KLHL1: variants seen among roughly 807,000 people sequenced by gnomAD.
KLHL1 encodes kelch like family member 1, also known as kelch-like protein 1.
Under a neutral mutation model 77.7 loss-of-function variants are expected in KLHL1, and 47 were observed. The ratio of observed to expected loss-of-function variants is 0.60; its 90% CI spans 0.48 to 0.77. KLHL1 has a LOEUF of 0.77. Ranked by LOEUF, KLHL1 falls within the 30% of genes least tolerant of loss-of-function variation. The probability of loss-of-function intolerance (pLI) is 0.00; values close to 1 mark genes in which losing one functional copy is unlikely to be tolerated. For missense variants in KLHL1, 925 were observed against 910.8 expected (o/e 1.02, Z -0.20); for synonymous variants, 360 against 325.2 (o/e 1.11, Z -1.15).
At chr13:69,972,182 A>G (rs1031851314) in intron 2 of KLHL1, among the ~76,000 whole-genome samples, 2 of 151,976 alleles carry the variant, frequency 1.3e-5, no homozygotes, top group East Asian at 3.9e-4. Context: ...GTATTTATAT[A>G]TGTTGTTTAG....
chr13:69,947,061 T>C (rs1241582717), intron 3 of KLHL1, among the ~76,000 whole-genome samples: 1 of 137,698 alleles, frequency 7.3e-6, no homozygotes, highest in African/African-American at 3.1e-5. Context: ...TGTGTGTGTG[T>C]GTGTGTGTGT....
chr13:69,934,962 G>A (rs867826468), intron 4 of KLHL1, among the ~76,000 whole-genome samples: 3 of 129,810 alleles, frequency 2.3e-5, no homozygotes, highest in African/African-American at 3.1e-5. Flanking sequence ...GTGTGCATGT[G>A]TATATATATA....
At chr13:69,882,619 G>C (rs543211029) in intron 4 of KLHL1, 124 bp from the exon 5 acceptor site, 853 of 652,652 alleles carry the variant, frequency 1.3e-3, no homozygotes, top group African/African-American at 5.8e-3. Context: ...CTTGAGACTC[G>C]ATCCTTCAGA....
intron 1 of KLHL1, among the ~76,000 whole-genome samples, chr13:70,037,514 T>C (rs569915579): frequency 6.6e-6 from 1 of 152,230 alleles, no homozygotes. Context: ...TCACTTATTT[T>C]ATTTGTAATT....
chr13:69,791,345 C>T (rs370850106), intron 7 of KLHL1, among the ~76,000 whole-genome samples: 33 of 151,626 alleles, frequency 2.2e-4, no homozygotes, highest in African/African-American at 7.0e-4. Flanking sequence ...TTTTTTTTTA[C>T]GTGGCAATAC....
At chr13:69,919,757 T>C (rs113493859) in intron 4 of KLHL1, among the ~76,000 whole-genome samples, 12 of 152,278 alleles carry the variant, frequency 7.9e-5, no homozygotes, top group African/African-American at 2.9e-4. Flanking sequence ...TTCTGTTCTA[T>C]ACTTGGCCCT....
At chr13:69,743,821 A>T (rs960996829) in intron 7 of KLHL1, among the ~76,000 whole-genome samples, 4 of 91,484 alleles carry the variant, frequency 4.4e-5, no homozygotes, top group Admixed American at 3.8e-4. Flanking sequence ...AAACAAAAAA[A>T]CAGAAAAAAA....
intron 4 of KLHL1, among the ~76,000 whole-genome samples, chr13:69,930,404 G>GCACA (rs1240374424): frequency 1.3e-5 from 2 of 151,720 alleles, no homozygotes; most frequent in Non-Finnish European, 3.0e-5. Context: ...CTTTTCAAAT[G>GCACA]CACACCACAT....
chr13:69,834,264 G>T (rs920259204), intron 6 of KLHL1, among the ~76,000 whole-genome samples: 1 of 151,366 alleles, frequency 6.6e-6, no homozygotes, highest in African/African-American at 2.4e-5. Context: ...ACATAAATTG[G>T]GGGGAGAAAA....
intron 7 of KLHL1, among the ~76,000 whole-genome samples, chr13:69,759,602 T>G (rs1309592133): frequency 6.6e-6 from 1 of 152,220 alleles, no homozygotes; most frequent in Non-Finnish European, 1.5e-5. Flanking sequence ...ATTAAGATTT[T>G]TTATTTGCCA....
chr13:69,744,828 ATAT>A (rs1388447088), intron 7 of KLHL1, among the ~76,000 whole-genome samples: 4 of 152,004 alleles, frequency 2.6e-5, no homozygotes, highest in Non-Finnish European at 5.9e-5. Context: ...TAAATTGCAA[ATAT>A]TATTACAGTG....
intron 1 of KLHL1, among the ~76,000 whole-genome samples, chr13:70,104,405 A>G (rs1887996466): frequency 6.6e-6 from 1 of 152,150 alleles, no homozygotes; most frequent in African/African-American, 2.4e-5. Context: ...CAAGTCTATG[A>G]TAATTTGACC....
At chr13:69,822,418 T>A (rs1878376324) in intron 6 of KLHL1, among the ~76,000 whole-genome samples, 1 of 152,194 alleles carries the variant, frequency 6.6e-6, no homozygotes, top group Non-Finnish European at 1.5e-5. Context: ...GTTTTTGATT[T>A]GGGAGAAAAT....
intron 4 of KLHL1, among the ~76,000 whole-genome samples, chr13:69,902,924 T>G (rs7985539): frequency 0.91 from 137,880 of 152,162 alleles, 63,259 homozygotes; most frequent in South Asian, 0.98. Context: ...AATAAATAGA[T>G]AATTCAATAC....
intron 8 of KLHL1, among the ~76,000 whole-genome samples, chr13:69,728,271 GA>G (rs2137909259): frequency 6.6e-6 from 1 of 152,182 alleles, no homozygotes; most frequent in East Asian, 1.9e-4. Context: ...GCAAGTGATG[GA>G]CCTTGAGGCT....
At chr13:69,778,026 TTAAGA>T (rs1875924815) in intron 7 of KLHL1, among the ~76,000 whole-genome samples, 2 of 151,778 alleles carry the variant, frequency 1.3e-5, no homozygotes, top group African/African-American at 2.4e-5. Context: ...TTATTAAAAA[TTAAGA>T]TAATTATAAA....
chr13:69,935,907 T>A (rs1883173842), intron 4 of KLHL1, among the ~76,000 whole-genome samples: 1 of 152,098 alleles, frequency 6.6e-6, no homozygotes, highest in Admixed American at 6.6e-5. Context: ...AACAAAAAAA[T>A]TCAATGGAGA....
At chr13:70,057,406 G>T (rs1355929416) in intron 1 of KLHL1, among the ~76,000 whole-genome samples, 1 of 140,228 alleles carries the variant, frequency 7.1e-6, no homozygotes, top group Non-Finnish European at 1.5e-5. Flanking sequence ...TATAAGGAGG[G>T]AATACTTCCA....
chr13:70,057,647 G>A (rs1258979053), intron 1 of KLHL1, among the ~76,000 whole-genome samples: 2 of 149,652 alleles, frequency 1.3e-5, no homozygotes, highest in Admixed American at 6.6e-5. Context: ...GCGGTGGCGG[G>A]CGCCTGTAGT....
Sources: gnomAD v4.1 joint callset for allele counts (sites outside exome capture counted in the v4.1 genomes callset) on GRCh38, gnomAD v4.1.1 for gene constraint, MANE v1.5 for transcripts, NCBI Gene and HGNC (gene_info 2026-07-23, HGNC 2026-07-21) for gene names.